C10orf90: variants seen among roughly 807,000 people sequenced by gnomAD.
C10orf90 encodes chromosome 10 open reading frame 90, also known as (E2-independent) E3 ubiquitin-conjugating enzyme FATS.
C10orf90 carries 56 observed loss-of-function variants against 62.5 expected under a neutral mutation model. The observed-to-expected ratio is 0.90, with a 90% CI of 0.72 to 1.12. The LOEUF (loss-of-function observed/expected upper bound fraction) is 1.12. Among genes scored for constraint, C10orf90 ranks in the 50% most tolerant of loss-of-function variants. C10orf90 has a pLI of 0.00. For missense variants in C10orf90, 970 were observed against 880.4 expected, an observed-to-expected ratio of 1.10 and a Z score of -1.29; for synonymous variants, 386 against 340.4, an observed-to-expected ratio of 1.13 and a Z score of -1.47.
chr10:126,580,921 T>C lies in C10orf90; in HGVS notation c.313+65644A>G, dbSNP rs1017767082. Among the ~76,000 whole-genome samples the C allele has an allele frequency of 3.0e-5, 4 of 134,446 alleles. No individual in the cohort carries two copies. The East Asian group carries it at 8.3e-4, about 28-fold the overall frequency. The allele number at this position is 134,446 out of a possible 152,430, so 88.2% of individuals were successfully genotyped here. A position where few individuals can be genotyped will look rare whatever the true frequency, so the allele number is the denominator to read the frequency against. On this transcript the variant is annotated intron_variant, in intron 2 of 9. Transcript: ENST00000488181. The stretch of plus-strand genomic sequence containing the variant: ...TACCCATAAGTAGCTAGCCACATTG[T>C]CAGTTCTCCCCTGTGTTCTTGGCCA...
intron 2 of C10orf90, among the ~76,000 whole-genome samples, chr10:126,597,641 G>A (rs2134036384): frequency 6.6e-6 from 1 of 152,344 alleles, no homozygotes; most frequent in Admixed American, 6.5e-5. Flanking sequence ...TGATGATCAT[G>A]GCTGGGGTCA....
intron 2 of C10orf90, among the ~76,000 whole-genome samples, chr10:126,622,149 G>A (rs1845655877): frequency 6.6e-6 from 1 of 152,154 alleles, no homozygotes; most frequent in African/African-American, 2.4e-5. Context: ...TCGTTCTTAT[G>A]CGACTCCCAC....
chr10:126,612,845 GT>G, intron 2 of C10orf90, among the ~76,000 whole-genome samples: 1 of 152,290 alleles, frequency 6.6e-6, no homozygotes, highest in East Asian at 1.9e-4. Flanking sequence ...CATATGAGCT[GT>G]TAAAAATTAG....
intron 2 of C10orf90, among the ~76,000 whole-genome samples, chr10:126,579,777 G>C (rs1844708263): frequency 6.6e-6 from 1 of 151,652 alleles, no homozygotes; most frequent in African/African-American, 2.4e-5. Context: ...AAAAAGAGCT[G>C]ATTCTTACTG....
intron 2 of C10orf90, among the ~76,000 whole-genome samples, chr10:126,555,721 A>AAAT (rs1283496457): frequency 4.5e-3 from 421 of 94,178 alleles, no homozygotes; most frequent in Non-Finnish European, 8.2e-3. Flanking sequence ...AATAAATAAA[A>AAAT]ATTAAATAAA....
intron 8 of C10orf90, 84 bp downstream of exon 8, chr10:126,429,703 G>A: frequency 1.9e-6 from 2 of 1,055,692 alleles, no homozygotes; most frequent in Non-Finnish European, 2.9e-6. Context: ...TAGAAGCAGT[G>A]GTCCCATTGG....
In C10orf90 at chr10:126,549,964, T is replaced by C. The variant is rs1043928475; in HGVS notation, c.314-36025A>G. Among the ~76,000 whole-genome samples the C allele has an allele frequency of 2.8e-4, 42 of 151,306 alleles. No individual in the cohort carries two copies. The East Asian group carries it at 7.0e-3, about 25-fold the overall frequency. On this transcript the variant is annotated intron_variant, in intron 2 of 9. Transcript: ENST00000488181. ...ACAATTCTGTAAAGCTTTCTTTTTT[T>C]TTTTTTTTTTTGAGACAGTCTCTCT...
At chr10:126,591,546 T>G (rs1844979321) in intron 2 of C10orf90, among the ~76,000 whole-genome samples, 1 of 152,042 alleles carries the variant, frequency 6.6e-6, no homozygotes, top group Admixed American at 6.6e-5. Context: ...GGAACATATC[T>G]CAAAATAATA....
chr10:126,579,489 C>T (rs1282610249), intron 2 of C10orf90, among the ~76,000 whole-genome samples: 1 of 152,160 alleles, frequency 6.6e-6, no homozygotes, highest in Non-Finnish European at 1.5e-5. Context: ...GATCCACCCA[C>T]CTTGGCCTCC....
chr10:126,648,603 C>T (rs949789926), intron 1 of C10orf90, among the ~76,000 whole-genome samples: 3 of 152,194 alleles, frequency 2.0e-5, no homozygotes, highest in Non-Finnish European at 4.4e-5. Flanking sequence ...TAAAAACTTT[C>T]AGGGAAGGAA....
intron 2 of C10orf90, among the ~76,000 whole-genome samples, chr10:126,533,541 A>G (rs1206760873): frequency 2.6e-5 from 4 of 152,150 alleles, no homozygotes; most frequent in African/African-American, 9.7e-5. Context: ...GGCACATTGT[A>G]TTGTAGCAAT....
At chr10:126,457,452 G>A (rs1001232354) in intron 7 of C10orf90, among the ~76,000 whole-genome samples, 1 of 152,326 alleles carries the variant, frequency 6.6e-6, no homozygotes, top group Admixed American at 6.5e-5. Flanking sequence ...TGGCCCAGAA[G>A]AGGAGAAGCT....
At chr10:126,481,195 T>C in intron 4 of C10orf90, among the ~76,000 whole-genome samples, 1 of 152,228 alleles carries the variant, frequency 6.6e-6, no homozygotes, top group East Asian at 1.9e-4. Flanking sequence ...GCCACCCATC[T>C]AAAGGAGCCA....
In C10orf90 at chr10:126,429,750, C is replaced by T. The variant is rs200131661; in HGVS notation, c.2252+37G>A. The T allele has an allele frequency of 3.3e-5, 53 of 1,596,350 alleles. No individual in the cohort carries two copies. In the East Asian group the frequency reaches 8.5e-4, roughly 26 times the overall value. ...AGCCATCAAACCACCCTACTCCCCC[C>T]ACCAACTTCTTTGCACACCATACAA... is the stretch of plus-strand genomic sequence containing the variant. On this transcript the variant is annotated intron_variant, in intron 8 of 9. Transcript: ENST00000488181.
intron 2 of C10orf90, among the ~76,000 whole-genome samples, chr10:126,601,195 G>T (rs567114227): frequency 6.6e-6 from 1 of 152,310 alleles, no homozygotes; most frequent in Non-Finnish European, 1.5e-5. Context: ...CCAGGGGTAG[G>T]GGCTGAGGGT....
chr10:126,555,776 C>G (rs946480723), intron 2 of C10orf90, among the ~76,000 whole-genome samples: 18 of 151,750 alleles, frequency 1.2e-4, no homozygotes, highest in African/African-American at 4.4e-4. Context: ...TGGGTCAATG[C>G]GAGTGGAGTC....
At chr10:126,539,453 A>T (rs1436808482) in intron 2 of C10orf90, among the ~76,000 whole-genome samples, 1 of 152,196 alleles carries the variant, frequency 6.6e-6, no homozygotes, top group Admixed American at 6.5e-5. Context: ...AAGCTTTCAT[A>T]TCAAAGAAGC....
At chr10:126,663,052 A>T (rs1846549898) in intron 1 of C10orf90, among the ~76,000 whole-genome samples, 1 of 152,210 alleles carries the variant, frequency 6.6e-6, no homozygotes, top group Non-Finnish European at 1.5e-5. Flanking sequence ...GAGCCAGCCC[A>T]GGTGTTTCCT....
At chr10:126,450,509 A>G (rs567455960) in intron 7 of C10orf90, among the ~76,000 whole-genome samples, 1 of 152,314 alleles carries the variant, frequency 6.6e-6, no homozygotes, top group Non-Finnish European at 1.5e-5. Context: ...AGACTGATGG[A>G]ACAGACTGGA....
Sources: allele counts gnomAD v4.1 joint callset (sites outside exome capture counted in the v4.1 genomes callset), GRCh38; gene constraint gnomAD v4.1.1; transcripts MANE v1.5; gene names NCBI Gene and HGNC (gene_info 2026-07-23, HGNC 2026-07-21).